Variants in DIS3L2 observed in about 807,000 individuals in gnomAD.
DIS3L2 encodes the protein DIS3 like 3'-5' exoribonuclease 2.
Under a neutral mutation model 97.5 loss-of-function variants are expected in DIS3L2, and 34 were observed. That is an observed-to-expected ratio of 0.35 (90% confidence interval 0.27 to 0.46). The LOEUF is 0.46. Ranked by LOEUF, DIS3L2 falls within the 20% of genes least tolerant of loss-of-function variation. DIS3L2 has a pLI of 1.00. For missense variants in DIS3L2, 1,038 were observed against 1,146.0 expected (o/e 0.91, Z 1.36); for synonymous variants, 435 against 445.2 (o/e 0.98, Z 0.29).
At chr2:232,247,615 GCGGGGGGGGGGGGGGGGGGGC>G in intron 11 of DIS3L2, among the ~76,000 whole-genome samples, 3 of 36,120 alleles carry the variant, frequency 8.3e-5, no homozygotes, top group Admixed American at 2.1e-4. Flanking sequence ...TATAACTGCC[GCGGGGGGGGGGGGGGGGGGGC>G]GGGGGGGAGG....
At chr2:232,204,758 A>G (rs541587401) in intron 9 of DIS3L2, among the ~76,000 whole-genome samples, 9 of 152,310 alleles carry the variant, frequency 5.9e-5, no homozygotes, top group Admixed American at 2.6e-4. Flanking sequence ...ACAGCTGCAC[A>G]GTGCACCGCC....
At chr2:232,320,872 G>A (rs1473831873) in intron 14 of DIS3L2, among the ~76,000 whole-genome samples, 1 of 152,194 alleles carries the variant, frequency 6.6e-6, no homozygotes, top group Non-Finnish European at 1.5e-5. Flanking sequence ...ATGGTCTGCA[G>A]AGGAAAACTA....
intron 5 of DIS3L2, among the ~76,000 whole-genome samples, chr2:232,071,324 C>A (rs567200550): frequency 7.9e-5 from 12 of 152,026 alleles, no homozygotes; most frequent in African/African-American, 2.7e-4. Flanking sequence ...GAGTTCTAGA[C>A]CAGCCTGGGC....
chr2:232,164,672 G>A (rs1395923480), intron 9 of DIS3L2, among the ~76,000 whole-genome samples: 1 of 152,134 alleles, frequency 6.6e-6, no homozygotes, highest in Non-Finnish European at 1.5e-5. Context: ...GCAAGGAAAA[G>A]GAGATGATCA....
intron 14 of DIS3L2, among the ~76,000 whole-genome samples, chr2:232,310,472 C>G (rs978114827): frequency 7.9e-5 from 12 of 152,210 alleles, no homozygotes; most frequent in African/African-American, 2.9e-4. Context: ...GAGTGTCTCT[C>G]CACCGTCCAC....
intron 6 of DIS3L2, among the ~76,000 whole-genome samples, chr2:232,089,491 G>A (rs900495896): frequency 2.6e-5 from 4 of 152,014 alleles, no homozygotes; most frequent in Non-Finnish European, 1.5e-5. Context: ...GTGTATTATC[G>A]TAATCACATC....
intron 1 of DIS3L2, among the ~76,000 whole-genome samples, chr2:232,003,795 C>T (rs967286606): frequency 6.6e-6 from 1 of 151,998 alleles, no homozygotes; most frequent in African/African-American, 2.4e-5. Context: ...GGAAAGAAGA[C>T]AATAAAAAAT....
intron 16 of DIS3L2, among the ~76,000 whole-genome samples, chr2:232,333,462 G>A (rs1233829154): frequency 3.9e-5 from 6 of 152,282 alleles, no homozygotes; most frequent in Middle Eastern, 3.4e-3. Flanking sequence ...ACTGGACTTC[G>A]GAGGCTCAGC....
intron 1 of DIS3L2, among the ~76,000 whole-genome samples, chr2:231,967,049 G>A (rs1180183487): frequency 9.2e-5 from 14 of 152,128 alleles, no homozygotes. Flanking sequence ...ATAACAGGCT[G>A]CCTCTGGGAT....
chr2:232,258,320 C>T (rs950401440), intron 12 of DIS3L2, among the ~76,000 whole-genome samples: 3 of 152,164 alleles, frequency 2.0e-5, no homozygotes, highest in African/African-American at 7.2e-5. Context: ...TGTGGTGGCT[C>T]ATGCCTGTAA....
At chr2:231,990,430 A>G (rs2106190308) in intron 1 of DIS3L2, among the ~76,000 whole-genome samples, 1 of 152,324 alleles carries the variant, frequency 6.6e-6, no homozygotes, top group Middle Eastern at 3.4e-3. Context: ...TTTGATACGA[A>G]AGTCTTTAAA....
intron 10 of DIS3L2, among the ~76,000 whole-genome samples, chr2:232,219,792 T>G (rs1181828727): frequency 3.9e-5 from 6 of 152,166 alleles, no homozygotes; most frequent in Admixed American, 3.3e-4. Flanking sequence ...TGTCATTTCC[T>G]CCACCTCCCT....
At position 232,079,599 on chromosome 2, in the gene DIS3L2, C is replaced by CAAA. The variant is rs760870721; in HGVS notation, c.367-7864_367-7862dup. Among the ~76,000 whole-genome samples the CAAA allele has an allele frequency of 1.6e-3, 47 of 29,604 alleles. 1 individual carries two copies. Among genetic ancestry groups the CAAA allele is most frequent in the African/African-American group, 5.4e-3 (31 of 5,722 alleles). The allele number at this position is 29,604 out of a possible 152,430, so 19.4% of individuals were successfully genotyped here. ...TGGGCGACAGAGCAAGACTCTATCTCAAAAAAAAAAAAAAAAAAAAAAAAA... is the reference window on the plus strand; with the variant it reads ...TGGGCGACAGAGCAAGACTCTATCTCAAAAAAAAAAAAAAAAAAAAAAAAAAAA... On this transcript the variant is annotated intron_variant, in intron 5 of 20. Transcript: ENST00000325385.
intron 13 of DIS3L2, among the ~76,000 whole-genome samples, chr2:232,286,850 G>A (rs1411926666): frequency 6.6e-6 from 1 of 152,060 alleles, no homozygotes; most frequent in African/African-American, 2.4e-5. Flanking sequence ...GCACAATCTT[G>A]GCTCACTGTA....
At chr2:232,120,330 C>T (rs964836757) in intron 6 of DIS3L2, among the ~76,000 whole-genome samples, 5 of 152,094 alleles carry the variant, frequency 3.3e-5, no homozygotes, top group Non-Finnish European at 5.9e-5. Flanking sequence ...GATTTAGGTT[C>T]GAATCCTGCC....
At chr2:232,092,136 A>G (rs1028761498) in intron 6 of DIS3L2, among the ~76,000 whole-genome samples, 2 of 152,184 alleles carry the variant, frequency 1.3e-5, no homozygotes, top group African/African-American at 4.8e-5. Context: ...TCTCAGCACC[A>G]TTTATTGAAG....
chr2:232,242,580 T>G (rs1693130345), intron 11 of DIS3L2, among the ~76,000 whole-genome samples: 1 of 152,234 alleles, frequency 6.6e-6, no homozygotes, highest in Non-Finnish European at 1.5e-5. Flanking sequence ...GCTGCTGAAC[T>G]TGGCCAGCCT....
intron 6 of DIS3L2, among the ~76,000 whole-genome samples, chr2:232,128,730 C>T (rs1698139446): frequency 1.3e-5 from 2 of 152,138 alleles, no homozygotes; most frequent in African/African-American, 2.4e-5. Context: ...ACTGGGATTA[C>T]AGGCATGAGC....
At chr2:232,154,904 G>C (rs1414889615) in intron 8 of DIS3L2, among the ~76,000 whole-genome samples, 1 of 60,930 alleles carries the variant, frequency 1.6e-5, no homozygotes, top group African/African-American at 7.4e-5. Context: ...ATAGTCTCGT[G>C]GTGCGCCGTT....
Sources: gnomAD v4.1 joint callset for allele counts (sites outside exome capture counted in the v4.1 genomes callset) on GRCh38, gnomAD v4.1.1 for gene constraint, MANE v1.5 for transcripts, NCBI Gene and HGNC (gene_info 2026-07-23, HGNC 2026-07-21) for gene names.